Variants in OTC observed in about 807,000 individuals in gnomAD.
OTC encodes the protein ornithine transcarbamylase, mitochondrial.
In OTC, 3 loss-of-function variants were observed where a neutral mutation model predicts 30.3. That is an observed-to-expected ratio of 0.10 (90% CI 0.05 to 0.26). OTC has a LOEUF of 0.26. Ranked by LOEUF, OTC falls within the 10% of genes least tolerant of loss-of-function variation. The pLI is 1.00. For missense variants in OTC, 194 were observed against 260.3 expected (o/e 0.75, Z 1.75); for synonymous variants, 111 against 99.7 (o/e 1.11, Z -0.67).
intron 4 of OTC, among the ~76,000 whole-genome samples, chrX:38,390,004 A>G (rs1183724084): frequency 8.9e-6 from 1 of 112,106 alleles, no homozygotes; most frequent in Non-Finnish European, 1.9e-5. Context: ...TTTCCTAAAC[A>G]GGTTACACTG....
At position 38,367,299 on chromosome X, in the gene OTC, A is replaced by C. The variant is rs759104592; in HGVS notation, c.86A>C (p.Gln29Pro). ...NFMVRNFRCG[Q>P]PLQNKVQLKG... The stretch of plus-strand genomic sequence containing the variant: ...TAAATCTCTTTTTACAGGTGTGGAC[A>C]ACCACTACAAAATAAAGTGCAGCTG... Residue 29 changes from glutamine (Q) to proline (P), a missense_variant, in exon 2 of 10, where the codon CAA becomes CCA. Physicochemically the swap from Gln to Pro is moderately conservative, Grantham distance 76. Coordinates refer to ENST00000039007, the MANE Select transcript of OTC (RefSeq NM_000531.6). The C allele has an allele frequency of 8.3e-7, 1 of 1,205,607 alleles. No homozygotes were observed. Among genetic ancestry groups the C allele is most frequent in the East Asian group, 3.0e-5 (1 of 33,774 alleles).
At chrX:38,398,388 A>G (rs1274986956) in intron 4 of OTC, among the ~76,000 whole-genome samples, 2 of 112,496 alleles carry the variant, frequency 1.8e-5, no homozygotes, top group East Asian at 2.8e-4. Flanking sequence ...CGAGAAAACC[A>G]TAACAGGTTG....
At chrX:38,377,234 T>C (rs751649875) in intron 3 of OTC, among the ~76,000 whole-genome samples, 4 of 111,650 alleles carry the variant, frequency 3.6e-5, no homozygotes, top group Non-Finnish European at 5.6e-5. Flanking sequence ...ACTGACAAAA[T>C]TAAGAAGAAA....
intron 6 of OTC, among the ~76,000 whole-genome samples, chrX:38,404,659 G>T (rs373592063): frequency 1.8e-5 from 2 of 111,727 alleles, no homozygotes; most frequent in East Asian, 5.6e-4. Context: ...GCACACCACC[G>T]TGGGGATTTG....
chrX:38,371,510 A>G (rs1300058107), intron 3 of OTC, among the ~76,000 whole-genome samples: 1 of 112,109 alleles, frequency 8.9e-6, no homozygotes, highest in African/African-American at 3.2e-5. Context: ...CGAGTGTCAG[A>G]GCTTTCTAGG....
intron 3 of OTC, among the ~76,000 whole-genome samples, chrX:38,379,864 C>T (rs887627780): frequency 5.4e-5 from 6 of 111,111 alleles, no homozygotes; most frequent in Admixed American, 4.8e-4. Flanking sequence ...TTCCTGACCT[C>T]GTGATCCACC....
chrX:38,367,713 A>G (rs781399199), intron 2 of OTC, among the ~76,000 whole-genome samples: 1 of 109,385 alleles, frequency 9.1e-6, no homozygotes, highest in East Asian at 2.9e-4. Context: ...AAAAGCATTT[A>G]TTTATTTATT....
chrX:38,391,703 C>T (rs1032764622), intron 4 of OTC, among the ~76,000 whole-genome samples: 1 of 111,035 alleles, frequency 9.0e-6, no homozygotes, highest in East Asian at 2.8e-4. Flanking sequence ...GACCTAACTC[C>T]ATCAGTCTTC....
intron 9 of OTC, among the ~76,000 whole-genome samples, chrX:38,417,647 A>G (rs1437407688): frequency 1.8e-5 from 2 of 112,096 alleles, no homozygotes; most frequent in East Asian, 2.8e-4. Context: ...GATAACTTTG[A>G]TAAGTATATT....
At chrX:38,368,148 G>T (rs1181228070) in intron 2 of OTC, among the ~76,000 whole-genome samples, 1 of 111,183 alleles carries the variant, frequency 9.0e-6, no homozygotes, top group Non-Finnish European at 1.9e-5. Context: ...ATCACCTGAG[G>T]TCGGGAGTTC....
intron 1 of OTC, among the ~76,000 whole-genome samples, chrX:38,363,459 C>T (rs1467465270): frequency 8.9e-6 from 1 of 111,746 alleles, no homozygotes; most frequent in Non-Finnish European, 1.9e-5. Context: ...GCCTTCATTT[C>T]AGGCCACATA....
Position 38,356,916 on chromosome X carries a change from TTG to T in OTC, c.77+4146_77+4147del, listed in dbSNP as rs10550817. On this transcript the variant is annotated intron_variant, in intron 1 of 9. Coordinates refer to ENST00000039007, the MANE Select transcript of OTC (RefSeq NM_000531.6). ...TAATAAGCATAAATTTGGAAAACAT[TTG>T]TGAGTTTTTTTCACATCAGTGGGAT... 4.8e-3 allele frequency among the ~76,000 whole-genome samples: 538 copies of T among 112,005 alleles called. 4 individuals are homozygous for T. The highest frequency in any genetic ancestry group is 0.017 in the African/African-American group (514 of 30,879).
At chrX:38,420,164 A>G (rs1311758518) in intron 9 of OTC, among the ~76,000 whole-genome samples, 4 of 111,284 alleles carry the variant, frequency 3.6e-5, no homozygotes, top group Non-Finnish European at 7.6e-5. Flanking sequence ...TAATTTTTAA[A>G]AAGAGTAGAG....
the OTC span, among the ~76,000 whole-genome samples, chrX:38,334,800 C>T: frequency 1.7e-3 from 192 of 111,624 alleles, no homozygotes; most frequent in African/African-American, 6.0e-3. Flanking sequence ...AGACCTCTAC[C>T]GGTCTGGTCC....
At chrX:38,405,919 TC>T (rs1221014068) in intron 6 of OTC, among the ~76,000 whole-genome samples, 1 of 112,330 alleles carries the variant, frequency 8.9e-6, no homozygotes, top group Non-Finnish European at 1.9e-5. Context: ...CAATAATTGC[TC>T]CCTGCTATGA....
chrX:38,328,462 A>AG, the OTC span, among the ~76,000 whole-genome samples: 1 of 112,544 alleles, frequency 8.9e-6, no homozygotes, highest in South Asian at 3.7e-4. Flanking sequence ...AGGTTAAGAA[A>AG]GGCTTATCTG....
chrX:38,359,948 G>A (rs1193356966), intron 1 of OTC, among the ~76,000 whole-genome samples: 4 of 90,907 alleles, frequency 4.4e-5, no homozygotes, highest in African/African-American at 8.5e-5. Context: ...GCAGAGTTTC[G>A]CTCTTGTCAC....
chrX:38,406,524 C>T (rs4827098), intron 6 of OTC, among the ~76,000 whole-genome samples: 43,833 of 110,187 alleles, frequency 0.4, 6,581 homozygotes, highest in East Asian at 0.64. Context: ...TCTCTGTATT[C>T]TAAGTCATGC....
upstream of OTC, among the ~76,000 whole-genome samples, chrX:38,348,051 C>T (rs1424946931): frequency 8.9e-6 from 1 of 112,292 alleles, no homozygotes; most frequent in Admixed American, 9.4e-5. Context: ...ATTTTATTCT[C>T]AGTAATAGGA....
Sources: allele counts gnomAD v4.1 joint callset (sites outside exome capture counted in the v4.1 genomes callset), GRCh38; gene constraint gnomAD v4.1.1; transcripts MANE v1.5; gene names NCBI Gene and HGNC (gene_info 2026-07-23, HGNC 2026-07-21).